FCSK: variants seen among roughly 807,000 people sequenced by gnomAD.
FCSK encodes the protein fucose kinase.
A neutral mutation model predicts 122.5 loss-of-function variants in FCSK; 123 were observed. The observed-to-expected ratio is 1.00, with a 90% CI of 0.87 to 1.17. The LOEUF (loss-of-function observed/expected upper bound fraction) is 1.17, where lower values mean the gene tolerates loss of function less well. Ranked by LOEUF, FCSK falls within the 50% of genes most tolerant of loss-of-function variation. The pLI is 0.00. For missense variants in FCSK, 1,366 were observed against 1,450.4 expected (o/e 0.94, Z 0.95); for synonymous variants, 620 against 625.5 (o/e 0.99, Z 0.13).
In FCSK at chr16:70,478,615, G is replaced by T; in HGVS notation, c.2894G>T (p.Arg965Leu). ...GTGCAGAATGCCCACAGCCTGGTACGGCAAACTGAGGAGTGTGCTGAAGGC... is the reference window on the plus strand; with the variant it reads ...GTGCAGAATGCCCACAGCCTGGTACTGCAAACTGAGGAGTGTGCTGAAGGC... ...AVVQNAHSLV[R>L]QTEECAEGFR... Residue 965 changes from arginine (R) to leucine (L), a missense_variant, in exon 22 of 24, where the codon CGG becomes CTG. Arg to Leu is a moderately radical substitution (Grantham distance 102, BLOSUM62 -2). Transcript: ENST00000288078. 6.2e-7 allele frequency: 1 copy of T among 1,613,696 alleles called. No individual in the cohort carries two copies. Among genetic ancestry groups the T allele is most frequent in the South Asian group, 1.1e-5 (1 of 91,058 alleles).
chr16:70,461,318 G>A (rs1403685036), intron 1 of FCSK, among the ~76,000 whole-genome samples: 1 of 152,142 alleles, frequency 6.6e-6, no homozygotes, highest in Non-Finnish European at 1.5e-5. Context: ...GGGAGGAAAT[G>A]GGGGTGCTGC....
At position 70,474,190 on chromosome 16, in the gene FCSK, C is replaced by T; in HGVS notation, c.1839C>T (p.Val613=). 6.4e-7 allele frequency: 1 copy of T among 1,571,502 alleles called. No individual in the cohort carries two copies. Among genetic ancestry groups the T allele is most frequent in the Non-Finnish European group, 8.6e-7 (1 of 1,159,410 alleles). ...AARALACVAD[V]LGCMAEGRGG... ...GGGCACTGGCCTGTGTGGCGGACGT[C>T]CTGGGCTGCATGGCAGAGGGCCGTG... The change falls in exon 16 of 24, where the codon GTC becomes GTT. Residue 613 remains valine, a synonymous_variant. Transcript: ENST00000288078.
At chr16:70,472,883 A>C in intron 14 of FCSK, 100 bp from the exon 15 acceptor site, 1 of 1,397,490 alleles carries the variant, frequency 7.2e-7, no homozygotes, top group African/African-American at 1.5e-5. Flanking sequence ...ACCTCGGAGG[A>C]GTCTGTCCTG....
chr16:70,467,110 G>T, intron 6 of FCSK, 156 bp downstream of exon 6: 2 of 736,030 alleles, frequency 2.7e-6, no homozygotes, highest in Non-Finnish European at 4.7e-6. Context: ...TGGAGGCAGG[G>T]CTTCTCCTGC....
chr16:70,474,942 G>A lies in FCSK; in HGVS notation c.2308G>A (p.Glu770Lys), dbSNP rs540532684. The A allele has an allele frequency of 1.2e-6, 2 of 1,611,740 alleles. No individual in the cohort carries two copies. The highest frequency in any genetic ancestry group is 2.7e-5 in the African/African-American group (2 of 75,024). Residue 770 changes from glutamate to lysine, a missense_variant, in exon 18 of 24, where the codon GAG becomes AAG. Coordinates refer to ENST00000288078, the MANE Select transcript of FCSK (RefSeq NM_145059.3). The stretch of plus-strand genomic sequence containing the variant: ...GCTGGCGGTGGGGCCTCGGCAGGAT[G>A]AGATGACTGTGAAGATAGTGTGCCG... The part of the protein sequence containing the change: ...LWLAVGPRQD[E>K]MTVKIVCRCL...
intron 19 of FCSK, 25 bp from the exon 20 acceptor site, chr16:70,475,623 C>T (rs764223667): frequency 8.3e-6 from 13 of 1,574,146 alleles, no homozygotes; most frequent in Non-Finnish European, 1.1e-5. Context: ...TGTTTCATGT[C>T]TGCTCTCTCC....
chr16:70,479,044 G>T (rs778955305), intron 22 of FCSK, 136 bp from the exon 23 acceptor site: 2 of 713,016 alleles, frequency 2.8e-6, no homozygotes, highest in Non-Finnish European at 4.7e-6. Context: ...GGTTACTCCT[G>T]GCTCCAGCCG....
In FCSK at chr16:70,475,717, C is replaced by T. The variant is rs370391879; in HGVS notation, c.2591C>T (p.Thr864Met). The change falls in exon 20 of 24, where the codon ACG (threonine) becomes ATG (methionine). Residue 864 changes from threonine to methionine, a missense_variant. Coordinates refer to ENST00000288078, the MANE Select transcript of FCSK (RefSeq NM_145059.3). ...LQRAAGRVVGTEALIHAVLHL... is the reference protein window; with the variant it reads ...LQRAAGRVVGMEALIHAVLHL... ...CGAGCCGCAGGCCGGGTGGTGGGCA[C>T]GGAAGCCCTGATCCACGCAGTGCTG... The T allele has an allele frequency of 2.1e-5, 34 of 1,602,686 alleles. No homozygotes were observed. The highest frequency in any genetic ancestry group is 1.3e-4 in the African/African-American group (10 of 74,844).
rs368476051 is a variant in FCSK at position 70,467,498 on chromosome 16, G to A, written c.582+27G>A. On this transcript the variant is annotated intron_variant, in intron 7 of 23. Coordinates refer to ENST00000288078, the MANE Select transcript of FCSK (RefSeq NM_145059.3). ...TAGTGCCCCTGGGGACAGTGGAGCC[G>A]GCTGGGGCAGCCTTCCTCCTGTCAG... The A allele has an allele frequency of 3.3e-4, 508 of 1,536,594 alleles. 5 individuals are homozygous for A. The South Asian group carries it at 3.5e-3, about 10-fold the overall frequency.
At chr16:70,463,302 T>A in intron 2 of FCSK, 30 bp downstream of exon 2, 5 of 1,579,154 alleles carry the variant, frequency 3.2e-6, no homozygotes, top group Non-Finnish European at 4.3e-6. Flanking sequence ...ACCTTGCCCC[T>A]AATGGAGAAC....
rs958577790 is a variant in FCSK, at chr16:70,466,849, C to T, written c.412-33C>T. On this transcript the variant is annotated intron_variant, in intron 5 of 23. Transcript: ENST00000288078. ...GGGGCAGGTGAAGGCCTGGGCCAGG[C>T]ACCAGCTGTGTTCTGTCTCCTTCCC... The T allele has an allele frequency of 6.9e-6, 11 of 1,598,764 alleles. No homozygotes were observed. In the East Asian group the frequency reaches 2.2e-4, roughly 32 times the overall value.
intron 18 of FCSK, 82 bp downstream of exon 18, chr16:70,475,093 G>A: frequency 7.5e-7 from 1 of 1,336,364 alleles, no homozygotes; most frequent in East Asian, 2.5e-5. Flanking sequence ...GGCCAGTGGG[G>A]TCTGGCCTGA....
chr16:70,476,528 C>T (rs1307476057), intron 20 of FCSK, among the ~76,000 whole-genome samples: 1 of 151,972 alleles, frequency 6.6e-6, no homozygotes, highest in Non-Finnish European at 1.5e-5. Context: ...TGAATGTCAC[C>T]AGCGCCAGGC....
At position 70,466,898 on chromosome 16, in the gene FCSK, C is replaced by A. The variant is rs572099494; in HGVS notation, c.428C>A (p.Pro143Gln). The A allele has an allele frequency of 6.2e-7, 1 of 1,613,600 alleles. No individual in the cohort carries two copies. Among genetic ancestry groups the A allele is most frequent in the Admixed American group, 1.7e-5 (1 of 59,984 alleles). The change falls in exon 6 of 24, where the codon CCG (proline) becomes CAG (glutamine). Residue 143 changes from proline to glutamine, a missense_variant. Coordinates refer to ENST00000288078, the MANE Select transcript of FCSK (RefSeq NM_145059.3). ...CCCCCACAGCTGGGCCCGGGCTCCC[C>A]GCCAGGCGTGTGGGTCTGCAGCACC... ...IMTYRLGPGSPPGVWVCSTDM... is the reference protein window; with the variant it reads ...IMTYRLGPGSQPGVWVCSTDM...
chr16:70,460,436 G>A (rs1164500787), intron 1 of FCSK, among the ~76,000 whole-genome samples: 1 of 148,374 alleles, frequency 6.7e-6, no homozygotes, highest in South Asian at 2.1e-4. Flanking sequence ...ACAGAATCTC[G>A]CTCTGTCGCC....
At chr16:70,478,921 T>G in intron 22 of FCSK, 1 of 695,516 alleles carries the variant, frequency 1.4e-6, no homozygotes. Context: ...CAAGGAAGTC[T>G]GAGCTGGGCA....
At chr16:70,456,683 T>C (rs2048101566) in intron 1 of FCSK, among the ~76,000 whole-genome samples, 2 of 152,202 alleles carry the variant, frequency 1.3e-5, no homozygotes, top group African/African-American at 4.8e-5. Flanking sequence ...GGGAGGTTGA[T>C]GTCTTTGGCC....
intron 3 of FCSK, 81 bp from the exon 4 acceptor site, chr16:70,465,045 G>GTC: frequency 1.9e-6 from 3 of 1,583,620 alleles, no homozygotes; most frequent in Non-Finnish European, 1.7e-6. Context: ...TTGTGTTGGA[G>GTC]TCTCTCTCTG....
Position 70,470,350 on chromosome 16 carries a change from CCTCAGCCAGTGAGTTCCTG to C in FCSK, c.1000_1018del (p.Glu335HisfsTer55), listed in dbSNP as rs772518056. The C allele has an allele frequency of 2.1e-5, 34 of 1,613,770 alleles. No individual in the cohort carries two copies. In the African/African-American group the frequency reaches 3.6e-4, roughly 17 times the overall value. Reference sequence around the variant, plus strand: ...AGCGGCAGCTACAGCTACATGACCTCCTCAGCCAGTGAGTTCCTGCTCAGCCTCACACTCCCCGGGGCTC... The same window carrying C: ...AGCGGCAGCTACAGCTACATGACCTCCTCAGCCTCACACTCCCCGGGGCTC... On this transcript the variant is annotated frameshift_variant, in exon 11 of 24. Transcript: ENST00000288078. LOFTEE classifies it high-confidence loss of function.
Sources: gnomAD v4.1 joint callset for allele counts (sites outside exome capture counted in the v4.1 genomes callset) on GRCh38, gnomAD v4.1.1 for gene constraint, MANE v1.5 for transcripts, NCBI Gene and HGNC (gene_info 2026-07-23, HGNC 2026-07-21) for gene names.